Variants in ZFHX4 observed in about 807,000 individuals in gnomAD.
ZFHX4 encodes the protein zinc finger homeobox 4, also known as zinc finger homeobox protein 4.
Under a neutral mutation model 267.6 loss-of-function variants are expected in ZFHX4, and 56 were observed. The observed-to-expected ratio is 0.21, with a 90% CI of 0.17 to 0.26. The LOEUF (loss-of-function observed/expected upper bound fraction) is 0.26. Among genes scored for constraint, ZFHX4 ranks in the 10% least tolerant of loss-of-function variants. The pLI is 1.00. For missense variants in ZFHX4, 4,332 were observed against 4,420.0 expected (o/e 0.98, Z 0.56); for synonymous variants, 1,778 against 1,665.6 (o/e 1.07, Z -1.64).
At chr8:76,794,016 C>T (rs1185000182) in intron 4 of ZFHX4, among the ~76,000 whole-genome samples, 1 of 152,140 alleles carries the variant, frequency 6.6e-6, no homozygotes, top group Non-Finnish European at 1.5e-5. Context: ...TCTCTTCTGA[C>T]TCATAAGCCC....
chr8:76,745,105 A>T (rs1302974340), intron 3 of ZFHX4, among the ~76,000 whole-genome samples: 1 of 152,114 alleles, frequency 6.6e-6, no homozygotes, highest in Admixed American at 6.6e-5. Context: ...TCTTCCACTA[A>T]AAAACATACT....
intron 4 of ZFHX4, among the ~76,000 whole-genome samples, chr8:76,813,071 T>C (rs1811418005): frequency 2.0e-5 from 3 of 152,168 alleles, no homozygotes; most frequent in African/African-American, 7.2e-5. Context: ...ACTAATATCA[T>C]ATACATATGC....
At chr8:76,712,603 A>G (rs1383410740) in intron 3 of ZFHX4, among the ~76,000 whole-genome samples, 1 of 152,176 alleles carries the variant, frequency 6.6e-6, no homozygotes, top group Non-Finnish European at 1.5e-5. Context: ...CATAAAAGTC[A>G]TTGTGTGAAA....
chr8:76,703,962 G>C (rs1808171929), intron 1 of ZFHX4, 81 bp from the exon 2 acceptor site: 2 of 989,916 alleles, frequency 2.0e-6, no homozygotes, highest in Non-Finnish European at 2.9e-6. Context: ...GTTTACAGCA[G>C]CTGTAAATTA....
At chr8:76,789,284 A>G (rs1038348272) in intron 4 of ZFHX4, among the ~76,000 whole-genome samples, 2 of 152,202 alleles carry the variant, frequency 1.3e-5, no homozygotes, top group African/African-American at 4.8e-5. Context: ...TGATTATGGC[A>G]TAATAGAGCA....
At chr8:76,774,108 T>C (rs1343240348) in intron 3 of ZFHX4, among the ~76,000 whole-genome samples, 1 of 152,142 alleles carries the variant, frequency 6.6e-6, no homozygotes, top group Admixed American at 6.6e-5. Context: ...TCCTGTAAGT[T>C]GCTCATCAGA....
intron 4 of ZFHX4, among the ~76,000 whole-genome samples, chr8:76,828,827 T>C (rs1187909443): frequency 1.3e-5 from 2 of 152,234 alleles, no homozygotes; most frequent in South Asian, 4.1e-4. Context: ...TAATGCTGCA[T>C]AGGAATACAG....
At chr8:76,745,263 G>A (rs1357667476) in intron 3 of ZFHX4, among the ~76,000 whole-genome samples, 1 of 152,136 alleles carries the variant, frequency 6.6e-6, no homozygotes, top group East Asian at 1.9e-4. Context: ...CTTTCAATTA[G>A]AGGGGAAAAT....
At chr8:76,785,436 T>C (rs575773776) in intron 4 of ZFHX4, among the ~76,000 whole-genome samples, 3 of 152,242 alleles carry the variant, frequency 2.0e-5, no homozygotes, top group African/African-American at 7.2e-5. Flanking sequence ...CAGGCAAATA[T>C]TCCCTCAGAA....
At chr8:76,723,160 A>T (rs1023408114) in intron 3 of ZFHX4, among the ~76,000 whole-genome samples, 37 of 152,092 alleles carry the variant, frequency 2.4e-4, no homozygotes, top group African/African-American at 8.9e-4. Context: ...GAATTTGCAA[A>T]TGAGCAGTAG....
At chr8:76,773,426 A>T (rs550992154) in intron 3 of ZFHX4, among the ~76,000 whole-genome samples, 2 of 152,276 alleles carry the variant, frequency 1.3e-5, no homozygotes, top group African/African-American at 4.8e-5. Flanking sequence ...GTTCAGTGTT[A>T]AGTTTAAGAT....
chr8:76,864,707 T>G lies in ZFHX4; in HGVS notation c.*142T>G, dbSNP rs527630143. ...TGACTCAGGATTGTTTTTCCCATAT[T>G]GATATGCTGGCAATATAGGATGGTA... On this transcript the variant is annotated 3_prime_UTR_variant, in exon 11 of 11. Transcript: ENST00000651372. The G allele has an allele frequency of 1.6e-4, 98 of 602,226 alleles. No individual in the cohort carries two copies. The South Asian group carries it at 3.0e-3, about 19-fold the overall frequency. 37.3% of individuals were successfully genotyped at this position (602,226 alleles called of 1,614,324 possible). A position where few individuals can be genotyped will look rare whatever the true frequency, so the allele number is the denominator to read the frequency against.
chr8:76,802,171 G>C (rs906004733), intron 4 of ZFHX4, among the ~76,000 whole-genome samples: 6 of 152,100 alleles, frequency 3.9e-5, no homozygotes, highest in African/African-American at 1.4e-4. Context: ...TTTCAGTGGA[G>C]TGATTTGTAA....
chr8:76,759,402 C>G (rs76933043), intron 3 of ZFHX4, among the ~76,000 whole-genome samples: 348 of 152,322 alleles, frequency 2.3e-3, no homozygotes, highest in African/African-American at 7.9e-3. Context: ...TAGGCTGACT[C>G]TCAGCTTTTC....
At chr8:76,760,532 A>G (rs1221466287) in intron 3 of ZFHX4, among the ~76,000 whole-genome samples, 1 of 152,126 alleles carries the variant, frequency 6.6e-6, no homozygotes, top group Non-Finnish European at 1.5e-5. Flanking sequence ...TGAAAGAGGC[A>G]TGCATTATGG....
chr8:76,685,985 T>G (rs2131576091), intron 1 of ZFHX4, among the ~76,000 whole-genome samples: 1 of 152,290 alleles, frequency 6.6e-6, no homozygotes, highest in Non-Finnish European at 1.5e-5. Context: ...ACAAAATATG[T>G]GACTTGACTG....
At chr8:76,712,121 G>A (rs955820693) in intron 3 of ZFHX4, among the ~76,000 whole-genome samples, 1 of 152,054 alleles carries the variant, frequency 6.6e-6, no homozygotes, top group East Asian at 1.9e-4. Flanking sequence ...ATATCAAATT[G>A]ACTGAAAGCA....
chr8:76,733,558 G>A (rs1157918603), intron 3 of ZFHX4: 1 of 152,178 alleles, frequency 6.6e-6, no homozygotes, highest in South Asian at 2.1e-4. Flanking sequence ...CCTCCTTGCA[G>A]TTTTGAGTCA....
chr8:76,718,129 C>T (rs1808627330), intron 3 of ZFHX4, among the ~76,000 whole-genome samples: 1 of 152,112 alleles, frequency 6.6e-6, no homozygotes, highest in Non-Finnish European at 1.5e-5. Context: ...GCACTTACTA[C>T]TGAGTAACAG....
Sources: allele counts gnomAD v4.1 joint callset (sites outside exome capture counted in the v4.1 genomes callset), GRCh38; gene constraint gnomAD v4.1.1; transcripts MANE v1.5; gene names NCBI Gene and HGNC (gene_info 2026-07-23, HGNC 2026-07-21).